The following MAP4 variants were observed in gnomAD, a reference collection of about 807,000 sequenced individuals.
The protein encoded by MAP4 is microtubule-associated protein 4.
In MAP4, 76 loss-of-function variants were observed where a neutral mutation model predicts 170.2. The ratio of observed to expected loss-of-function variants is 0.45; its 90% confidence interval spans 0.37 to 0.54. The LOEUF (loss-of-function observed/expected upper bound fraction) is 0.54. Ranked by LOEUF, MAP4 falls within the 20% of genes least tolerant of loss-of-function variation. The pLI is 0.00. For synonymous variants in MAP4, 909 were observed against 994.5 expected, an observed-to-expected ratio of 0.91 and a Z score of 1.62; for missense variants, 2,506 against 2,748.0, an observed-to-expected ratio of 0.91 and a Z score of 1.97.
chr3:48,066,408 A>G (rs1393207508), intron 1 of MAP4, among the ~76,000 whole-genome samples: 2 of 152,128 alleles, frequency 1.3e-5, no homozygotes, highest in Non-Finnish European at 2.9e-5. Context: ...TGCCTATTCC[A>G]CTTGCCAGAT....
chr3:47,861,484 C>T (rs2065854106), intron 17 of MAP4, among the ~76,000 whole-genome samples: 1 of 151,370 alleles, frequency 6.6e-6, no homozygotes, highest in African/African-American at 2.4e-5. Flanking sequence ...TTCCAAGTAG[C>T]TGGGATTATA....
chr3:47,879,894 C>A (rs777487727), intron 10 of MAP4, among the ~76,000 whole-genome samples: 1 of 152,170 alleles, frequency 6.6e-6, no homozygotes, highest in African/African-American at 2.4e-5. Context: ...AAGTAGATAT[C>A]CTTGCCTTGT....
rs2042190644 is a variant in MAP4 at position 47,851,522 on chromosome 3, A to G, written c.*1412T>C. 1 of 152,262 alleles carries G rather than the reference A, an allele frequency of 6.6e-6. No individual in the cohort carries two copies. The highest frequency in any genetic ancestry group is 2.1e-4 in the South Asian group (1 of 4,834). 9.4% of individuals were successfully genotyped at this position (152,262 alleles called of 1,614,324 possible). ...ACTGCAGCCAATCCCCCTCCAGAGAAGCCCTTGGAATCTCCCAGGCCATTT... is the reference window on the plus strand; with the variant it reads ...ACTGCAGCCAATCCCCCTCCAGAGAGGCCCTTGGAATCTCCCAGGCCATTT... On this transcript the variant is annotated 3_prime_UTR_variant, in exon 21 of 21. Transcript: ENST00000683076.
intron 1 of MAP4, among the ~76,000 whole-genome samples, chr3:48,060,251 C>T (rs2100134462): frequency 6.6e-6 from 1 of 152,126 alleles, no homozygotes; most frequent in East Asian, 1.9e-4. Flanking sequence ...AAGTTTATCA[C>T]TCATGCCTGT....
At chr3:47,908,319 T>C (rs1056959858) in intron 9 of MAP4, among the ~76,000 whole-genome samples, 1 of 152,160 alleles carries the variant, frequency 6.6e-6, no homozygotes, top group Non-Finnish European at 1.5e-5. Context: ...AGTAAAATTA[T>C]GAGGAACACA....
intron 7 of MAP4, among the ~76,000 whole-genome samples, 183 bp from the exon 8 acceptor site, chr3:47,915,122 T>C (rs993848109): frequency 1.3e-5 from 2 of 152,008 alleles, no homozygotes; most frequent in Non-Finnish European, 2.9e-5. Context: ...TACTTTTTTT[T>C]TTTTTTTTGA....
At chr3:47,908,712 G>A (rs1478190414) in intron 9 of MAP4, among the ~76,000 whole-genome samples, 7 of 152,124 alleles carry the variant, frequency 4.6e-5, no homozygotes, top group Non-Finnish European at 1.0e-4. Flanking sequence ...TTGATACATA[G>A]GAGGCACAAT....
At position 48,036,620 on chromosome 3, in the gene MAP4, GTTCT is replaced by G. The variant is rs547015325; in HGVS notation, c.-19-37745_-19-37742del. On this transcript the variant is annotated intron_variant, in intron 1 of 18. Coordinates refer to the MAP4 transcript ENST00000360240. ...GCCCCTCCAGACTCTTGACGAGGCT[GTTCT>G]TTCTATGTAAACAGTACCAGTCTCT... is the stretch of plus-strand genomic sequence containing the variant. Among the ~76,000 whole-genome samples the G allele has an allele frequency of 2.4e-4, 36 of 152,292 alleles. No homozygotes were observed. In the East Asian group the frequency reaches 6.4e-3, roughly 27 times the overall value.
At chr3:48,073,440 C>G (rs958145610) in intron 1 of MAP4, among the ~76,000 whole-genome samples, 1 of 151,214 alleles carries the variant, frequency 6.6e-6, no homozygotes, top group South Asian at 2.1e-4. Flanking sequence ...GGAGAAACCC[C>G]GACTCTACTA....
At position 47,851,797 on chromosome 3, in the gene MAP4, C is replaced by T. The variant is rs1302421906; in HGVS notation, c.*1137G>A. On this transcript the variant is annotated 3_prime_UTR_variant, in exon 21 of 21. Transcript: ENST00000683076. ...ATTTTTAAATTTCCAGACCTGATTT[C>T]CTACTATCTGCATGAGGCTCCCTTG... 6.6e-6 allele frequency: 1 copy of T among 152,166 alleles called. No homozygotes were observed. Among genetic ancestry groups the T allele is most frequent in the Non-Finnish European group, 1.5e-5 (1 of 68,032 alleles). The allele number at this position is 152,166 out of a possible 1,614,324, so 9.4% of individuals were successfully genotyped here.
chr3:47,925,812 T>C (rs1311755969), intron 4 of MAP4, among the ~76,000 whole-genome samples: 2 of 152,212 alleles, frequency 1.3e-5, no homozygotes, highest in Non-Finnish European at 2.9e-5. Context: ...GTTATGGTTA[T>C]AACCATAAAT....
chr3:47,871,989 T>C lies in MAP4; in HGVS notation c.5869A>G (p.Thr1957Ala). 3 of 1,613,988 alleles carry C rather than the reference T, an allele frequency of 1.9e-6. No homozygotes were observed. The highest frequency in any genetic ancestry group is 2.5e-6 in the Non-Finnish European group (3 of 1,179,924). The change falls in exon 13 of 21, where the codon ACA becomes GCA. Residue 1957 changes from threonine (T) to alanine (A), a missense_variant. Thr to Ala is a moderately conservative substitution (Grantham distance 58). Transcript: ENST00000683076. Reference sequence around the variant, plus strand: ...CCAGTTGAGGCAACAGCAGCAGCTGTTGTGGTTTTTGCAACAGTCTGAGTG... The same window carrying C: ...CCAGTTGAGGCAACAGCAGCAGCTGCTGTGGTTTTTGCAACAGTCTGAGTG... ...KSTQTVAKTT[T>A]AAAVASTGPS...
chr3:47,916,392 C>G lies in MAP4; in HGVS notation c.1435G>C (p.Ala479Pro). ...GCTATTTCTGTTTCTGGGAGTTGAGCCATGTCCTTGACTGGGGCCACCTCT... is the reference window on the plus strand; with the variant it reads ...GCTATTTCTGTTTCTGGGAGTTGAGGCATGTCCTTGACTGGGGCCACCTCT... ...EAEVAPVKDM[A>P]QLPETEIAPA... The change falls in exon 7 of 21, where the codon GCT (alanine) becomes CCT (proline). Residue 479 changes from alanine to proline, a missense_variant. This residue lies in a region of MAP4 where 2,008 missense variants were observed against 2,206.0 expected (regional missense o/e 0.91). Transcript: ENST00000683076. The G allele has an allele frequency of 6.2e-7, 1 of 1,614,206 alleles. No homozygotes were observed. Among genetic ancestry groups the G allele is most frequent in the Non-Finnish European group, 8.5e-7 (1 of 1,180,044 alleles).
In MAP4 at chr3:47,916,965, G is replaced by C. The variant is rs765612588; in HGVS notation, c.862C>G (p.Leu288Val). ...ATGGATGGCTGCATGTCCTTGGCCA[G>C]TGTCACATCTAATTTGGTGGGTGAT... ...MESPTKLDVT[L>V]AKDMQPSMES... Residue 288 changes from leucine to valine, a missense_variant, in exon 7 of 21, where the codon CTG (leucine) becomes GTG (valine). Coordinates refer to ENST00000683076, the MANE Select transcript of MAP4 (RefSeq NM_001385682.1). 4 of 1,614,230 alleles carry C rather than the reference G, an allele frequency of 2.5e-6. No individual in the cohort carries two copies. The highest frequency in any genetic ancestry group is 3.4e-6 in the Non-Finnish European group (4 of 1,180,038).
At chr3:48,086,388 G>C (rs990837535) in intron 1 of MAP4, among the ~76,000 whole-genome samples, 1 of 152,062 alleles carries the variant, frequency 6.6e-6, no homozygotes, top group African/African-American at 2.4e-5. Flanking sequence ...TGTAATCCCA[G>C]GGCACTTTGG....
intron 1 of MAP4, among the ~76,000 whole-genome samples, chr3:48,082,471 A>G (rs1424931544): frequency 6.6e-6 from 1 of 152,212 alleles, no homozygotes; most frequent in Non-Finnish European, 1.5e-5. Flanking sequence ...AAGCAGAACA[A>G]CAGTCACTTT....
At chr3:47,977,265 C>T (rs904640105) in intron 3 of MAP4, among the ~76,000 whole-genome samples, 2 of 152,136 alleles carry the variant, frequency 1.3e-5, no homozygotes, top group Non-Finnish European at 2.9e-5. Context: ...GAGAATTTTG[C>T]TCACTACAAA....
At chr3:47,926,340 T>G (rs1559488193) in intron 4 of MAP4, among the ~76,000 whole-genome samples, 1 of 151,064 alleles carries the variant, frequency 6.6e-6, no homozygotes, top group Non-Finnish European at 1.5e-5. Context: ...CCCGCCACCA[T>G]GCCCGGCTGA....
chr3:47,858,932 T>G (rs2150388961), intron 17 of MAP4, among the ~76,000 whole-genome samples: 1 of 152,042 alleles, frequency 6.6e-6, no homozygotes, highest in East Asian at 1.9e-4. Context: ...ATCGAGACCA[T>G]CCTGGCTAAC....
Sources: allele counts gnomAD v4.1 joint callset (sites outside exome capture counted in the v4.1 genomes callset), GRCh38; gene constraint gnomAD v4.1.1; regional missense constraint gnomAD v4.1.1; transcripts MANE v1.5; gene names NCBI Gene and HGNC (gene_info 2026-07-23, HGNC 2026-07-21).